BCAR3: variants seen among roughly 807,000 people sequenced by gnomAD.
BCAR3 encodes the protein breast cancer anti-estrogen resistance protein 3.
BCAR3 carries 37 observed loss-of-function variants against 80.1 expected under a neutral mutation model. That is an observed-to-expected ratio of 0.46 (90% confidence interval 0.36 to 0.61). The LOEUF (loss-of-function observed/expected upper bound fraction) is 0.61, where lower values mean the gene tolerates loss of function less well. BCAR3 is among the 20% of genes least tolerant of loss of function. The probability of loss-of-function intolerance (pLI) is 0.00; values close to 1 mark genes in which losing one functional copy is unlikely to be tolerated. For synonymous variants in BCAR3, 389 were observed against 418.9 expected, an observed-to-expected ratio of 0.93 and a Z score of 0.87; for missense variants, 978 against 1,068.2, an observed-to-expected ratio of 0.92 and a Z score of 1.18.
At chr1:93,721,735 A>G (rs1401633358) in intron 2 of BCAR3, among the ~76,000 whole-genome samples, 2 of 152,182 alleles carry the variant, frequency 1.3e-5, no homozygotes, top group East Asian at 3.8e-4. Context: ...GTTCTTTCTG[A>G]GCCTTTAAGT....
At chr1:93,604,555 G>A (rs1674718043) in intron 3 of BCAR3, among the ~76,000 whole-genome samples, 2 of 152,202 alleles carry the variant, frequency 1.3e-5, no homozygotes, top group African/African-American at 4.8e-5. Flanking sequence ...AATCCTACAT[G>A]ACAAACTAAT....
chr1:93,714,488 C>T (rs1236818061), intron 2 of BCAR3, among the ~76,000 whole-genome samples: 2 of 152,136 alleles, frequency 1.3e-5, no homozygotes, highest in Admixed American at 1.3e-4. Context: ...TGCTCCTAGG[C>T]TAGGTCCAGG....
chr1:93,778,293 G>T (rs1286093604), intron 2 of BCAR3, among the ~76,000 whole-genome samples: 1 of 152,248 alleles, frequency 6.6e-6, no homozygotes, highest in East Asian at 1.9e-4. Context: ...TTTAAGATAA[G>T]AAAATGTATC....
chr1:93,670,882 G>C (rs551473749), intron 2 of BCAR3, among the ~76,000 whole-genome samples: 1 of 152,232 alleles, frequency 6.6e-6, no homozygotes, highest in African/African-American at 2.4e-5. Context: ...GACACATGTA[G>C]ATATGAAAGC....
chr1:93,832,483 C>T (rs1020376642), intron 2 of BCAR3, among the ~76,000 whole-genome samples: 2 of 152,200 alleles, frequency 1.3e-5, no homozygotes, highest in Non-Finnish European at 2.9e-5. Context: ...TGGCCCAAGG[C>T]TCTCTGACTG....
chr1:93,773,370 T>C (rs1249152821), intron 2 of BCAR3, among the ~76,000 whole-genome samples: 3 of 152,198 alleles, frequency 2.0e-5, no homozygotes, highest in African/African-American at 7.2e-5. Flanking sequence ...AGCTTCTCTA[T>C]GGAGCTGAAC....
At chr1:93,580,379 C>T (rs1046738745) in intron 7 of BCAR3, among the ~76,000 whole-genome samples, 34 of 152,252 alleles carry the variant, frequency 2.2e-4, no homozygotes, top group African/African-American at 7.7e-4. Context: ...AGGAACCAGC[C>T]TCTTTATATT....
intron 3 of BCAR3, among the ~76,000 whole-genome samples, chr1:93,641,410 T>C (rs1282649409): frequency 6.6e-6 from 1 of 152,182 alleles, no homozygotes; most frequent in East Asian, 1.9e-4. Flanking sequence ...AAACTCTAAC[T>C]CTTGCTACGA....
chr1:93,640,689 T>A (rs993363969), intron 3 of BCAR3, among the ~76,000 whole-genome samples: 9 of 152,220 alleles, frequency 5.9e-5, no homozygotes, highest in African/African-American at 2.2e-4. Flanking sequence ...TATTCATAAA[T>A]GAGATGCAAT....
At chr1:93,680,397 G>C (rs1402652690) in intron 1 of BCAR3, among the ~76,000 whole-genome samples, 3 of 152,220 alleles carry the variant, frequency 2.0e-5, no homozygotes, top group Non-Finnish European at 4.4e-5. Flanking sequence ...CCCCTGGCAC[G>C]CCCGCAGACA....
chr1:93,614,806 T>C (rs1224380007), intron 3 of BCAR3, among the ~76,000 whole-genome samples: 2 of 152,072 alleles, frequency 1.3e-5, no homozygotes, highest in African/African-American at 4.8e-5. Context: ...TCACTTTAAT[T>C]ACTCATCGCC....
chr1:93,770,237 G>A lies in BCAR3; in HGVS notation c.-62-64095C>T, dbSNP rs146407723. Among the ~76,000 whole-genome samples the A allele has an allele frequency of 4.5e-4, 68 of 152,234 alleles. No individual in the cohort carries two copies. The East Asian group carries it at 0.013, about 29-fold the overall frequency. On this transcript the variant is annotated intron_variant, in intron 2 of 13. Coordinates refer to the BCAR3 transcript ENST00000370244. ...GAGGCATCTAACGGAAGAGCTGCTGGGGGAGTGCCCTGCCCTGTCCCCACC... is the reference window on the plus strand; with the variant it reads ...GAGGCATCTAACGGAAGAGCTGCTGAGGGAGTGCCCTGCCCTGTCCCCACC...
chr1:93,743,382 T>C (rs1651246390), intron 2 of BCAR3, among the ~76,000 whole-genome samples: 1 of 152,218 alleles, frequency 6.6e-6, no homozygotes. Flanking sequence ...TCCAGATCAG[T>C]GGGCTAGTAA....
At chr1:93,698,571 G>A (rs751541711) in intron 3 of BCAR3, among the ~76,000 whole-genome samples, 14 of 152,180 alleles carry the variant, frequency 9.2e-5, no homozygotes, top group African/African-American at 1.2e-4. Flanking sequence ...CGAGGCCTCC[G>A]TGGCCAGAGG....
intron 2 of BCAR3, among the ~76,000 whole-genome samples, chr1:93,843,495 G>C (rs977989518): frequency 2.6e-5 from 4 of 152,180 alleles, no homozygotes; most frequent in African/African-American, 9.7e-5. Context: ...AGAAGTTAAG[G>C]ATCATGTCCT....
At chr1:93,661,332 C>A (rs771614131) in intron 2 of BCAR3, among the ~76,000 whole-genome samples, 3 of 152,106 alleles carry the variant, frequency 2.0e-5, no homozygotes, top group Non-Finnish European at 2.9e-5. Flanking sequence ...AGCCACTGCA[C>A]CCGGCCTACA....
At chr1:93,594,925 G>C (rs1007490191) in intron 3 of BCAR3, 1 of 152,228 alleles carries the variant, frequency 6.6e-6, no homozygotes, top group Non-Finnish European at 1.5e-5. Flanking sequence ...ATAACAGCAA[G>C]GGTTATTATT....
At chr1:93,573,738 C>T (rs566652288) in intron 8 of BCAR3, among the ~76,000 whole-genome samples, 2 of 151,834 alleles carry the variant, frequency 1.3e-5, no homozygotes, top group African/African-American at 4.8e-5. Context: ...AAAGGATCCT[C>T]CTGCCTCAGC....
intron 2 of BCAR3, among the ~76,000 whole-genome samples, chr1:93,664,562 T>A (rs1647812491): frequency 6.6e-6 from 1 of 152,202 alleles, no homozygotes; most frequent in African/African-American, 2.4e-5. Flanking sequence ...CATTTAAATA[T>A]CCTGCATATT....
Sources: allele counts gnomAD v4.1 joint callset (sites outside exome capture counted in the v4.1 genomes callset), GRCh38; gene constraint gnomAD v4.1.1; transcripts MANE v1.5; gene names NCBI Gene and HGNC (gene_info 2026-07-23, HGNC 2026-07-21).